Variants in NARS2 observed in about 807,000 individuals in gnomAD.
The protein encoded by NARS2 is asparaginyl-tRNA synthetase.
Under a neutral mutation model 62.9 loss-of-function variants are expected in NARS2, and 60 were observed. The ratio of observed to expected loss-of-function variants is 0.95; its 90% confidence interval spans 0.77 to 1.18. The LOEUF (loss-of-function observed/expected upper bound fraction) is 1.18. Among genes scored for constraint, NARS2 ranks in the 50% most tolerant of loss-of-function variants. The pLI is 0.00. For missense variants in NARS2, 619 were observed against 576.4 expected, an observed-to-expected ratio of 1.07 and a Z score of -0.76; for synonymous variants, 196 against 200.0, an observed-to-expected ratio of 0.98 and a Z score of 0.17.
In NARS2 at chr11:78,478,573, A is replaced by G. The variant is rs748710270; in HGVS notation, c.921+12T>C. Reference sequence around the variant, plus strand: ...AGTAGATGTATTGGGCTTTATCCATAAAACTAATTACCTTTTGGCCAGGTG... The same window carrying G: ...AGTAGATGTATTGGGCTTTATCCATGAAACTAATTACCTTTTGGCCAGGTG... On this transcript the variant is annotated intron_variant, in intron 8 of 13. Coordinates refer to ENST00000281038, the MANE Select transcript of NARS2 (RefSeq NM_024678.6). 3 of 1,567,260 alleles carry G rather than the reference A, an allele frequency of 1.9e-6. No individual in the cohort carries two copies. Among genetic ancestry groups the G allele is most frequent in the Non-Finnish European group, 2.6e-6 (3 of 1,139,984 alleles).
Position 78,478,577 on chromosome 11 carries a change from C to T in NARS2, c.921+8G>A, listed in dbSNP as rs1859210888. 1 of 1,578,230 alleles carries T rather than the reference C, an allele frequency of 6.3e-7. No homozygotes were observed. The highest frequency in any genetic ancestry group is 1.1e-5 in the South Asian group (1 of 89,572). ...GATGTATTGGGCTTTATCCATAAAA[C>T]TAATTACCTTTTGGCCAGGTGCTAT... On this transcript the variant is annotated splice_region_variant and intron_variant, in intron 8 of 13. Transcript: ENST00000281038.
intron 7 of NARS2, among the ~76,000 whole-genome samples, chr11:78,480,103 T>C (rs572467535): frequency 6.6e-6 from 1 of 152,164 alleles, no homozygotes; most frequent in South Asian, 2.1e-4. Flanking sequence ...TCTCGCTATA[T>C]TGCCCAGACT....
rs554135530 is a variant in NARS2 at position 78,452,063 on chromosome 11, CTTAT to C, written c.1165-8309_1165-8306del. Among the ~76,000 whole-genome samples, 181 of 152,194 alleles carry C rather than the reference CTTAT, an allele frequency of 1.2e-3. 1 individual carries two copies. The highest frequency in any genetic ancestry group is 1.8e-3 in the Non-Finnish European group (124 of 68,002). Reference sequence around the variant, plus strand: ...TTTTAGTTAGATGACCAAACACATACTTATTTATGAGTTTCAACTATGATTCTTT... The same window carrying C: ...TTTTAGTTAGATGACCAAACACATACTTATGAGTTTCAACTATGATTCTTT... On this transcript the variant is annotated intron_variant, in intron 11 of 13. Transcript: ENST00000281038.
At chr11:78,481,037 T>C (rs1859331596) in intron 7 of NARS2, among the ~76,000 whole-genome samples, 1 of 152,068 alleles carries the variant, frequency 6.6e-6, no homozygotes, top group Non-Finnish European at 1.5e-5. Flanking sequence ...GCCAGGCTGG[T>C]CTCTAACTCC....
Position 78,528,912 on chromosome 11 carries a change from C to T in NARS2, c.619G>A (p.Glu207Lys), listed in dbSNP as rs544657093. ...GCAGGAACATTGAAGAAATTCTCCT[C>T]AGGTACCTTAAGTTTGCCTGAAGGC... The part of the protein sequence containing the change: ...LEPSGKLKVP[E>K]ENFFNVPAFL... Residue 207 changes from glutamate (E) to lysine (K), a missense_variant, in exon 6 of 14, where the codon GAG (glutamate) becomes AAG (lysine). By Grantham distance (56) the Glu-to-Lys change is moderately conservative (BLOSUM62 1). Transcript: ENST00000281038. 6.2e-7 allele frequency: 1 copy of T among 1,612,370 alleles called. No homozygotes were observed. The highest frequency in any genetic ancestry group is 1.1e-5 in the South Asian group (1 of 91,056).
intron 6 of NARS2, among the ~76,000 whole-genome samples, chr11:78,494,036 C>T (rs931705885): frequency 2.0e-5 from 3 of 152,218 alleles, no homozygotes; most frequent in Non-Finnish European, 4.4e-5. Context: ...TTGACGACCA[C>T]CTGTCTTTCA....
intron 11 of NARS2, among the ~76,000 whole-genome samples, chr11:78,464,012 A>C (rs1407579142): frequency 6.6e-6 from 1 of 152,138 alleles, no homozygotes; most frequent in East Asian, 1.9e-4. Flanking sequence ...GCGGACCCTC[A>C]CGGTGAGTGT....
At chr11:78,547,157 C>A (rs561494707) in intron 5 of NARS2, among the ~76,000 whole-genome samples, 2 of 151,890 alleles carry the variant, frequency 1.3e-5, no homozygotes, top group South Asian at 4.2e-4. Flanking sequence ...ATAGCAAGAC[C>A]CTGTATCCAT....
At chr11:78,569,110 C>G (rs1348091265) in intron 2 of NARS2, among the ~76,000 whole-genome samples, 1 of 151,980 alleles carries the variant, frequency 6.6e-6, no homozygotes, top group African/African-American at 2.4e-5. Context: ...ATTCTCTGTC[C>G]TATTTTTGCA....
chr11:78,529,697 T>C (rs1446302988), intron 5 of NARS2, among the ~76,000 whole-genome samples: 3 of 152,202 alleles, frequency 2.0e-5, no homozygotes, highest in Non-Finnish European at 4.4e-5. Flanking sequence ...TTACACTTGT[T>C]TTTGTTGATT....
intron 6 of NARS2, among the ~76,000 whole-genome samples, chr11:78,517,965 G>A (rs1260355817): frequency 1.3e-5 from 2 of 151,982 alleles, no homozygotes; most frequent in Non-Finnish European, 2.9e-5. Flanking sequence ...AAAGATCCTA[G>A]GTTTCACGGT....
intron 4 of NARS2, among the ~76,000 whole-genome samples, chr11:78,565,195 C>G (rs192451132): frequency 1.1e-3 from 166 of 152,270 alleles, no homozygotes; most frequent in Non-Finnish European, 1.7e-3. Context: ...AGAAGCAAAG[C>G]TAAATGAGAC....
At chr11:78,464,173 C>T (rs1051919818) in intron 11 of NARS2, among the ~76,000 whole-genome samples, 3 of 151,290 alleles carry the variant, frequency 2.0e-5, no homozygotes, top group Non-Finnish European at 4.4e-5. Context: ...CTTTAGGCGG[C>T]GTGTCTGGAG....
At chr11:78,461,602 TAAAAAAAAAA>T (rs59664343) in intron 11 of NARS2, among the ~76,000 whole-genome samples, 2 of 64,076 alleles carry the variant, frequency 3.1e-5, no homozygotes, top group Non-Finnish European at 6.1e-5. Flanking sequence ...GCTGTGCTGG[TAAAAAAAAAA>T]AAAAAAAAAA....
At position 78,493,022 on chromosome 11, in the gene NARS2, A is replaced by C. The variant is rs749925719; in HGVS notation, c.822+41T>G. 8.3e-6 allele frequency: 12 copies of C among 1,448,538 alleles called. No homozygotes were observed. The East Asian group carries it at 2.8e-4, about 34-fold the overall frequency. 89.7% of individuals were successfully genotyped at this position (1,448,538 alleles called of 1,614,324 possible). ...GTAAAAATATATACAGAAACATTTT[A>C]ATGTCACAGATACCTGGTATTTTAA... On this transcript the variant is annotated intron_variant, in intron 7 of 13. Coordinates refer to ENST00000281038, the MANE Select transcript of NARS2 (RefSeq NM_024678.6).
chr11:78,565,181 G>T (rs1856702424), intron 4 of NARS2, among the ~76,000 whole-genome samples: 1 of 152,184 alleles, frequency 6.6e-6, no homozygotes, highest in South Asian at 2.1e-4. Flanking sequence ...GAGGGAAATG[G>T]TTGAGAAGCA....
chr11:78,537,203 G>C (rs148568450), intron 5 of NARS2, among the ~76,000 whole-genome samples: 1 of 152,186 alleles, frequency 6.6e-6, no homozygotes, highest in Non-Finnish European at 1.5e-5. Context: ...TGGATGGAGA[G>C]ATGCAGAGAG....
At chr11:78,570,148 C>T (rs767868414) in intron 2 of NARS2, among the ~76,000 whole-genome samples, 8 of 152,056 alleles carry the variant, frequency 5.3e-5, no homozygotes, top group Non-Finnish European at 1.0e-4. Context: ...CGAGATCATG[C>T]CACTACATTC....
At chr11:78,446,722 C>G (rs760168102) in intron 11 of NARS2, among the ~76,000 whole-genome samples, 85 of 152,176 alleles carry the variant, frequency 5.6e-4, no homozygotes, top group Non-Finnish European at 1.0e-3. Context: ...AATATAAGAT[C>G]TGAAATCATA....
Sources: gnomAD v4.1 joint callset for allele counts (sites outside exome capture counted in the v4.1 genomes callset) on GRCh38, gnomAD v4.1.1 for gene constraint, MANE v1.5 for transcripts, NCBI Gene and HGNC (gene_info 2026-07-23, HGNC 2026-07-21) for gene names.